The following AHNAK2 variants were observed in gnomAD, a reference collection of about 807,000 sequenced individuals.
AHNAK2 encodes the protein protein AHNAK2.
Under a neutral mutation model 30.7 loss-of-function variants are expected in AHNAK2, and 18 were observed. That is an observed-to-expected ratio of 0.59 (90% CI 0.41 to 0.87). The LOEUF (loss-of-function observed/expected upper bound fraction) is 0.87, where lower values mean the gene tolerates loss of function less well. Ranked by LOEUF, AHNAK2 falls within the 40% of genes least tolerant of loss-of-function variation. AHNAK2 has a pLI of 0.00. For missense variants in AHNAK2, 8,604 were observed against 7,373.0 expected, an observed-to-expected ratio of 1.17 and a Z score of -6.11; for synonymous variants, 3,590 against 3,073.8, an observed-to-expected ratio of 1.17 and a Z score of -5.56.
chr14:104,971,317 A>C (rs913642220), intron 1 of AHNAK2, among the ~76,000 whole-genome samples: 2 of 151,864 alleles, frequency 1.3e-5, no homozygotes, highest in Admixed American at 6.6e-5. Flanking sequence ...ATCCTACCAT[A>C]TTGTCCAGGC....
intron 1 of AHNAK2, among the ~76,000 whole-genome samples, chr14:104,962,882 G>A (rs1899188795): frequency 6.6e-6 from 1 of 152,202 alleles, no homozygotes; most frequent in African/African-American, 2.4e-5. Context: ...TCATAGAGGG[G>A]AATGTAAAAC....
At position 104,944,314 on chromosome 14, in the gene AHNAK2, C is replaced by A; in HGVS notation, c.11137G>T (p.Glu3713Ter). The A allele has an allele frequency of 1.2e-6, 2 of 1,612,976 alleles. No homozygotes were observed. Among genetic ancestry groups the A allele is most frequent in the Non-Finnish European group, 1.7e-6 (2 of 1,179,558 alleles). The stretch of plus-strand genomic sequence containing the variant: ...AGGTGCTCTTTGAGGCCGGCTCCCT[C>A]GGGCACCTGGCCCTCCGGGAGCTTC... ...DVKLPEGQVP[E>*]GAGLKEHLPK... Residue 3713 changes from glutamate to a stop codon, truncating the protein, a stop_gained, in exon 7 of 7, where the codon GAG (glutamate) becomes TAG (stop). Coordinates refer to ENST00000333244, the MANE Select transcript of AHNAK2 (RefSeq NM_138420.4). LOFTEE classifies it low-confidence loss of function (END_TRUNC).
At position 104,956,621 on chromosome 14, in the gene AHNAK2, G is replaced by C; in HGVS notation, c.282C>G (p.Asp94Glu). 1 of 1,613,894 alleles carries C rather than the reference G, an allele frequency of 6.2e-7. No homozygotes were observed. The change falls in exon 4 of 7, where the codon GAC becomes GAG. Residue 94 changes from aspartate (D) to glutamate (E), a missense_variant. Coordinates refer to ENST00000333244, the MANE Select transcript of AHNAK2 (RefSeq NM_138420.4). ...RRSWWKRDSGDSRTFFRMSRP... is the reference protein window; with the variant it reads ...RRSWWKRDSGESRTFFRMSRP... ...GACTCATCCTGAAAAATGTCCGTGA[G>C]TCCCCTGAATCTCGCTTCCACCAGG... is the stretch of plus-strand genomic sequence containing the variant.
rs11850891 is a variant in AHNAK2, at chr14:104,949,360, G to T, written c.6091C>A (p.Leu2031Met). ...TGAATGCTGAGGTCAGTGGTCTTCAGGTCCCCCTGCATGGAGGGGAGACTC... is the reference window on the plus strand; with the variant it reads ...TGAATGCTGAGGTCAGTGGTCTTCATGTCCCCCTGCATGGAGGGGAGACTC... ...DVSLPSMQGD[L>M]KTTDLSIQPP... The change falls in exon 7 of 7, where the codon CTG becomes ATG. Residue 2031 changes from leucine (L) to methionine (M), a missense_variant. Physicochemically the swap from Leu to Met is conservative, Grantham distance 15 (BLOSUM62 2). Transcript: ENST00000333244. 49 of 1,573,234 alleles carry T rather than the reference G, an allele frequency of 3.1e-5. 3 individuals carry two copies. Among genetic ancestry groups the T allele is most frequent in the Non-Finnish European group, 4.2e-5 (49 of 1,153,494 alleles).
rs767132205 is a variant in AHNAK2 at position 104,946,827 on chromosome 14, C to T, written c.8624G>A (p.Gly2875Asp). 3 of 1,612,606 alleles carry T rather than the reference C, an allele frequency of 1.9e-6. No individual in the cohort carries two copies. The highest frequency in any genetic ancestry group is 1.3e-5 in the African/African-American group (1 of 74,528). Residue 2875 changes from glycine to aspartate, a missense_variant, in exon 7 of 7, where the codon GGC becomes GAC. Transcript: ENST00000333244. ...PPSAQLEVQA[G>D]QVDVKLPEGH... ...CTCTGGGAGTTTCACGTCCACCTGGCCAGCCTGGACCTCCAGTTGGGCGGA... is the reference window on the plus strand; with the variant it reads ...CTCTGGGAGTTTCACGTCCACCTGGTCAGCCTGGACCTCCAGTTGGGCGGA...
chr14:104,967,917 CGG>C lies in AHNAK2; in HGVS notation c.56-10247_56-10246del, dbSNP rs1281727167. Among the ~76,000 whole-genome samples the C allele has an allele frequency of 1.1e-4, 17 of 152,330 alleles. No homozygotes were observed. In the East Asian group the frequency reaches 2.9e-3, roughly 26 times the overall value. ...CCGAGCTCCTGAGGAAGCCCCGCCTCGGCCGCAGAGCGCAGGGGAGGCCGCCT... is the reference window on the plus strand; with the variant it reads ...CCGAGCTCCTGAGGAAGCCCCGCCTCCCGCAGAGCGCAGGGGAGGCCGCCT... On this transcript the variant is annotated intron_variant, in intron 1 of 6. Coordinates refer to ENST00000333244, the MANE Select transcript of AHNAK2 (RefSeq NM_138420.4).
chr14:104,955,727 C>A (rs1595424482), intron 4 of AHNAK2, 94 bp from the exon 5 acceptor site: 1 of 1,463,200 alleles, frequency 6.8e-7, no homozygotes, highest in East Asian at 2.3e-5. Flanking sequence ...GATGGGCACC[C>A]CACCATCCTT....
chr14:104,959,459 C>T (rs1032913732), intron 1 of AHNAK2, among the ~76,000 whole-genome samples: 3 of 152,132 alleles, frequency 2.0e-5, no homozygotes, highest in Non-Finnish European at 4.4e-5. Flanking sequence ...CATGAGCTGC[C>T]GTGTCCGGCC....
At position 104,954,635 on chromosome 14, in the gene AHNAK2, C is replaced by A. The variant is rs745875383; in HGVS notation, c.816G>T (p.Gly272=). 5.0e-6 allele frequency: 8 copies of A among 1,612,590 alleles called. No individual in the cohort carries two copies. Among genetic ancestry groups the A allele is most frequent in the Non-Finnish European group, 6.8e-6 (8 of 1,179,612 alleles). Residue 272 remains glycine (G), a synonymous_variant, in exon 7 of 7, where the codon GGG becomes GGT. Transcript: ENST00000333244. This position sits in a 1 kb window ranked among gnomAD's most constrained non-coding sequence, Gnocchi z 4.3. ...AGCTGTGTGACCTCTGGGGTCCCGG[C>A]CCCCGCTTGCTCTTTATGGATTGAA... is the stretch of plus-strand genomic sequence containing the variant. ...PKFQSIKSKR[G]PGPQRSHSSS...
chr14:104,946,874 A>T lies in AHNAK2; in HGVS notation c.8577T>A (p.Thr2859=). ...FPSMQGDLKT[T]DIRIQPPSAQ... is the part of the protein sequence containing the mutation. ...CGGAGGGGGGCTGAATGCGGATGTC[A>T]GTGGTCTTAAGATCCCCTTGCATGG... Residue 2859 remains threonine (T), a synonymous_variant, in exon 7 of 7, where the codon ACT becomes ACA. Transcript: ENST00000333244. 1 of 1,612,328 alleles carries T rather than the reference A, an allele frequency of 6.2e-7. No individual in the cohort carries two copies.
chr14:104,944,550 T>C lies in AHNAK2; in HGVS notation c.10901A>G (p.Lys3634Arg). ...LSLADKDVTA[K>R]DSKFKMPKFK... The stretch of plus-strand genomic sequence containing the variant: ...TTTGGGCATTTTGAACTTGCTGTCT[T>C]TGGCAGTCACGTCCTTGTCAGCCAG... Residue 3634 changes from lysine to arginine, a missense_variant, in exon 7 of 7, where the codon AAA becomes AGA. Physicochemically the swap from Lys to Arg is conservative, Grantham distance 26. Coordinates refer to ENST00000333244, the MANE Select transcript of AHNAK2 (RefSeq NM_138420.4). 3 of 1,612,942 alleles carry C rather than the reference T, an allele frequency of 1.9e-6. No individual in the cohort carries two copies. Among genetic ancestry groups the C allele is most frequent in the Non-Finnish European group, 2.5e-6 (3 of 1,179,518 alleles).
In AHNAK2 at chr14:104,948,721, A is replaced by T; in HGVS notation, c.6730T>A (p.Phe2244Ile). The T allele has an allele frequency of 6.2e-7, 1 of 1,610,718 alleles. No homozygotes were observed. The highest frequency in any genetic ancestry group is 2.2e-5 in the East Asian group (1 of 44,562). The change falls in exon 7 of 7, where the codon TTC (phenylalanine) becomes ATC (isoleucine). Residue 2244 changes from phenylalanine (F) to isoleucine (I), a missense_variant. Physicochemically the swap from Phe to Ile is conservative, Grantham distance 21. Transcript: ENST00000333244. The stretch of plus-strand genomic sequence containing the variant: ...TTGAGGTCCACTTTGGGCACCTTGA[A>T]ACTGGGCATCTGCAGCTTGGGCAGG... Reference protein sequence around the residue: ...GHLPKLQMPSFKVPKVDLKGP... With the variant: ...GHLPKLQMPSIKVPKVDLKGP...
Position 104,954,022 on chromosome 14 carries a change from T to C in AHNAK2, c.1429A>G (p.Ile477Val), listed in dbSNP as rs1420143193. 6.2e-6 allele frequency: 10 copies of C among 1,613,734 alleles called. No homozygotes were observed. Among genetic ancestry groups the C allele is most frequent in the South Asian group, 1.1e-5 (1 of 91,082 alleles). Residue 477 changes from isoleucine (I) to valine (V), a missense_variant, in exon 7 of 7, where the codon ATT (isoleucine) becomes GTT (valine). Ile to Val is a conservative substitution (Grantham distance 29). Transcript: ENST00000333244. The surrounding 1 kb of genome is among the most constrained non-coding windows in gnomAD (Gnocchi z 4.3). ...LRDTTEGGTQ[I>V]GPPEIRVRVH... ...CGCACCCTAATTTCTGGTGGGCCAA[T>C]CTGTGTGCCTCCTTCGGTTGTGTCT... is the stretch of plus-strand genomic sequence containing the variant.
chr14:104,940,076 A>G lies in AHNAK2; in HGVS notation c.15375T>C (p.His5125=), dbSNP rs1028379312. 1.2e-6 allele frequency: 2 copies of G among 1,613,126 alleles called. No homozygotes were observed. The highest frequency in any genetic ancestry group is 1.7e-6 in the Non-Finnish European group (2 of 1,179,874). ...QPEADLPLPK[H]DLSTEGDSRG... Reference sequence around the variant, plus strand: ...TGCTGTCACCTTCGGTAGACAGATCATGTTTGGGAAGAGGCAGGTCAGCTT... The same window carrying G: ...TGCTGTCACCTTCGGTAGACAGATCGTGTTTGGGAAGAGGCAGGTCAGCTT... Residue 5125 remains histidine (H), a synonymous_variant, in exon 7 of 7, where the codon CAT becomes CAC. Transcript: ENST00000333244. The surrounding 1 kb of genome is among the most constrained non-coding windows in gnomAD (Gnocchi z 4.4).
At position 104,956,623 on chromosome 14, in the gene AHNAK2, C is replaced by T. The variant is rs574568214; in HGVS notation, c.280G>A (p.Asp94Asn). Residue 94 changes from aspartate to asparagine, a missense_variant, in exon 4 of 7, where the codon GAC becomes AAC. Transcript: ENST00000333244. ...RRSWWKRDSG[D>N]SRTFFRMSRP... is the part of the protein sequence containing the mutation. ...CTCATCCTGAAAAATGTCCGTGAGT[C>T]CCCTGAATCTCGCTTCCACCAGGAT... 20 of 1,613,932 alleles carry T rather than the reference C, an allele frequency of 1.2e-5. No individual in the cohort carries two copies. In the South Asian group the frequency reaches 1.3e-4, roughly 11 times the overall value.
Position 104,941,617 on chromosome 14 carries a change from C to A in AHNAK2, c.13834G>T (p.Gly4612Trp). The A allele has an allele frequency of 1.2e-6, 2 of 1,613,570 alleles. No individual in the cohort carries two copies. The highest frequency in any genetic ancestry group is 1.3e-5 in the African/African-American group (1 of 75,056). ...GSMLDGARLEGDLSLAHEDVA... is the reference protein window; with the variant it reads ...GSMLDGARLEWDLSLAHEDVA... ...TCCTCGTGGGCCAGGGACAGGTCCCCCTCAAGCCGCGCACCATCCAGCATG... is the reference window on the plus strand; with the variant it reads ...TCCTCGTGGGCCAGGGACAGGTCCCACTCAAGCCGCGCACCATCCAGCATG... The change falls in exon 7 of 7, where the codon GGG becomes TGG. Residue 4612 changes from glycine to tryptophan, a missense_variant. Gly to Trp is a radical substitution (Grantham distance 184). Transcript: ENST00000333244.
rs1898588047 is a variant in AHNAK2 at position 104,950,067 on chromosome 14, G to A, written c.5384C>T (p.Ala1795Val). The A allele has an allele frequency of 6.3e-7, 1 of 1,586,798 alleles. No individual in the cohort carries two copies. The highest frequency in any genetic ancestry group is 8.6e-7 in the Non-Finnish European group (1 of 1,163,004). The stretch of plus-strand genomic sequence containing the variant: ...CACACTGTCCAGCTTGGCTCCTGGA[G>A]CCTCGACGTCCACCTCCACGCTGGG... Reference protein sequence around the residue: ...SLPSVEVDVEAPGAKLDSVRL... With the variant: ...SLPSVEVDVEVPGAKLDSVRL... Residue 1795 changes from alanine (A) to valine (V), a missense_variant, in exon 7 of 7, where the codon GCT (alanine) becomes GTT (valine). By Grantham distance (64) the Ala-to-Val change is moderately conservative. Transcript: ENST00000333244.
At chr14:104,974,862 G>T (rs1899557631) in intron 1 of AHNAK2, among the ~76,000 whole-genome samples, 1 of 152,218 alleles carries the variant, frequency 6.6e-6, no homozygotes, top group Non-Finnish European at 1.5e-5. Flanking sequence ...CAGATGGCCA[G>T]TGCCCCCCAC....
In AHNAK2 at chr14:104,957,402, A is replaced by C; in HGVS notation, c.213+8T>G. On this transcript the variant is annotated splice_region_variant and intron_variant, in intron 3 of 6. Coordinates refer to ENST00000333244, the MANE Select transcript of AHNAK2 (RefSeq NM_138420.4). ...GGGTGCCTGTGGGGCTCTGCCCAGC[A>C]GGCTCACCTGGAGTCCAAAGTCGGC... The C allele has an allele frequency of 6.3e-7, 1 of 1,578,662 alleles. No individual in the cohort carries two copies. The highest frequency in any genetic ancestry group is 8.6e-7 in the Non-Finnish European group (1 of 1,156,548).
Sources: gnomAD v4.1 joint callset for allele counts (sites outside exome capture counted in the v4.1 genomes callset) on GRCh38, gnomAD v4.1.1 for gene constraint, Gnocchi (gnomAD v3.1) non-coding constraint, MANE v1.5 for transcripts, NCBI Gene and HGNC (gene_info 2026-07-23, HGNC 2026-07-21) for gene names.